Variants in DKC1 observed in about 807,000 individuals in gnomAD.
DKC1 encodes the protein H/ACA ribonucleoprotein complex subunit DKC1.
Under a neutral mutation model 46.7 loss-of-function variants are expected in DKC1, and 4 were observed. That is an observed-to-expected ratio of 0.09 (90% CI 0.04 to 0.20). The LOEUF (loss-of-function observed/expected upper bound fraction) is 0.20. DKC1 is among the 10% of genes least tolerant of loss of function. The probability of loss-of-function intolerance (pLI) is 1.00; values close to 1 mark genes in which losing one functional copy is unlikely to be tolerated. For missense variants in DKC1, 171 were observed against 404.2 expected (o/e 0.42, Z 4.95); for synonymous variants, 141 against 142.4 (o/e 0.99, Z 0.07).
chrX:154,767,343 G>A lies in DKC1; in HGVS notation c.601G>A (p.Glu201Lys). 3 of 1,211,631 alleles carry A rather than the reference G, an allele frequency of 2.5e-6. No homozygotes were observed. Among genetic ancestry groups the A allele is most frequent in the Non-Finnish European group, 2.2e-6 (2 of 895,389 alleles). The change falls in exon 7 of 15, where the codon GAG (glutamate) becomes AAG (lysine). Residue 201 changes from glutamate to lysine, a missense_variant. Glu to Lys is a moderately conservative substitution (Grantham distance 56, BLOSUM62 1). Transcript: ENST00000369550. ...GCAGCTCCGAGTGAGGACCATCTAC[G>A]AGAGCAAAATGATTGAATACGATCC... ...KRQLRVRTIY[E>K]SKMIEYDPER... is the part of the protein sequence containing the mutation.
At chrX:154,765,421 G>C in intron 2 of DKC1, 23 bp from the exon 3 acceptor site, 10 of 1,154,635 alleles carry the variant, frequency 8.7e-6, no homozygotes, top group Non-Finnish European at 1.2e-5. Context: ...AGTTTAATAG[G>C]TTATATTTCT....
At chrX:154,772,014 A>G (rs149377061) in intron 10 of DKC1, among the ~76,000 whole-genome samples, 2 of 112,434 alleles carry the variant, frequency 1.8e-5, no homozygotes, top group East Asian at 5.6e-4. Context: ...CCTTGCCAGC[A>G]CTTGTCATTG....
intron 4 of DKC1, 104 bp from the exon 5 acceptor site, chrX:154,766,112 C>T: frequency 3.0e-6 from 3 of 1,007,945 alleles, no homozygotes; most frequent in Non-Finnish European, 4.2e-6. Context: ...AATATATAAC[C>T]TGTACCCGCA....
chrX:154,776,896 C>CT lies in DKC1; in HGVS notation c.*30dup. The CT allele has an allele frequency of 8.9e-7, 1 of 1,119,915 alleles. No individual in the cohort carries two copies. Among genetic ancestry groups the CT allele is most frequent in the Non-Finnish European group, 1.2e-6 (1 of 821,859 alleles). The allele number at this position is 1,119,915 out of a possible 1,213,427, so 92.3% of individuals were successfully genotyped here. A position where few individuals can be genotyped will look rare whatever the true frequency, so the allele number is the denominator to read the frequency against. Reference sequence around the variant, plus strand: ...AGGCCACTTGAAGCTGGAGGAGAAACTAAAGCCTTATTGAGAAAACATGTT... The same window carrying CT: ...AGGCCACTTGAAGCTGGAGGAGAAACTTAAAGCCTTATTGAGAAAACATGTT... On this transcript the variant is annotated 3_prime_UTR_variant, in exon 15 of 15. Coordinates refer to ENST00000369550, the MANE Select transcript of DKC1 (RefSeq NM_001363.5).
chrX:154,763,310 C>T (rs1322729041), intron 1 of DKC1, among the ~76,000 whole-genome samples: 2 of 112,396 alleles, frequency 1.8e-5, no homozygotes, highest in Non-Finnish European at 3.8e-5. Flanking sequence ...CCAGCCCGGA[C>T]GCCGCCGTTA....
Position 154,764,367 on chromosome X carries a change from T to G in DKC1, c.17-532T>G, listed in dbSNP as rs782785745. 3.7e-5 allele frequency among the ~76,000 whole-genome samples: 4 copies of G among 109,037 alleles called. No individual in the cohort carries two copies. The East Asian group carries it at 8.5e-4, about 23-fold the overall frequency. 94.7% of individuals were successfully genotyped at this position (109,037 alleles called of 115,157 possible). A position where few individuals can be genotyped will look rare whatever the true frequency, so the allele number is the denominator to read the frequency against. The stretch of plus-strand genomic sequence containing the variant: ...GACTGAATGTGAAGGCCTCAGACAT[T>G]ACACTACTGGAGACTTTATAATCTG... On this transcript the variant is annotated intron_variant, in intron 1 of 14. Coordinates refer to ENST00000369550, the MANE Select transcript of DKC1 (RefSeq NM_001363.5).
chrX:154,770,729 G>T (rs1313909017), intron 9 of DKC1, 30 bp from the exon 10 acceptor site: 1 of 1,207,648 alleles, frequency 8.3e-7, no homozygotes, highest in Non-Finnish European at 1.1e-6. Flanking sequence ...GCAGCAGCTG[G>T]GCCCCTTACA....
intron 7 of DKC1, chrX:154,768,040 C>T (rs782530258): frequency 1.2e-4 from 39 of 324,831 alleles, no homozygotes; most frequent in Non-Finnish European, 1.8e-4. Context: ...TTAGTAGAGA[C>T]GGGGTTTCAC....
In DKC1 at chrX:154,762,999, C is replaced by G. The variant is rs1487157701; in HGVS notation, c.16+18C>G. 1.7e-6 allele frequency: 2 copies of G among 1,174,595 alleles called. No homozygotes were observed. The highest frequency in any genetic ancestry group is 2.3e-6 in the Non-Finnish European group (2 of 876,565). ...TGCGGAAGGTAAGGGCTGCAGGCTT[C>G]CGGGCCGTGCTAACTCCGGGCGACT... On this transcript the variant is annotated intron_variant, in intron 1 of 14. Coordinates refer to ENST00000369550, the MANE Select transcript of DKC1 (RefSeq NM_001363.5).
rs782546233 is a variant in DKC1, at chrX:154,767,324, C to G, written c.582C>G (p.Leu194=). Residue 194 remains leucine, a synonymous_variant, in exon 7 of 15, where the codon CTC becomes CTG. Transcript: ENST00000369550. ...TTATTGCTGCAGTAAAGAGGCAGCTCCGAGTGAGGACCATCTACGAGAGCA... is the reference window on the plus strand; with the variant it reads ...TTATTGCTGCAGTAAAGAGGCAGCTGCGAGTGAGGACCATCTACGAGAGCA... The part of the protein sequence containing the change: ...PPLIAAVKRQ[L]RVRTIYESKM... 5.2e-5 allele frequency: 63 copies of G among 1,209,499 alleles called. No individual in the cohort carries two copies. Among genetic ancestry groups the G allele is most frequent in the Non-Finnish European group, 6.7e-5 (60 of 894,789 alleles).
intron 9 of DKC1, 100 bp from the exon 10 acceptor site, chrX:154,770,659 G>T: frequency 9.0e-7 from 1 of 1,108,537 alleles, no homozygotes. Context: ...CCTGTTTCCT[G>T]GTGTCAGGCC....
chrX:154,776,680 T>C (rs2071900953), intron 14 of DKC1, 119 bp from the exon 15 acceptor site: 3 of 724,120 alleles, frequency 4.1e-6, no homozygotes, highest in Non-Finnish European at 6.5e-6. Flanking sequence ...ACCCAAAATA[T>C]CCTTACAGGT....
At chrX:154,768,497 TC>T in intron 8 of DKC1, 65 bp downstream of exon 8, 1 of 1,167,057 alleles carries the variant, frequency 8.6e-7, no homozygotes, top group Non-Finnish European at 1.2e-6. Flanking sequence ...TTGATGGCAC[TC>T]CACTTGCTTC....
chrX:154,768,879 C>T lies in DKC1; in HGVS notation c.772-288C>T, dbSNP rs991527717. 2.1e-3 allele frequency: 591 copies of T among 286,205 alleles called. 3 individuals carry two copies. The highest frequency in any genetic ancestry group is 3.2e-3 in the Non-Finnish European group (525 of 165,411). The allele number at this position is 286,205 out of a possible 1,213,427, so 23.6% of individuals were successfully genotyped here. A position where few individuals can be genotyped will look rare whatever the true frequency, so the allele number is the denominator to read the frequency against. ...GCGGGCGCCTGTAGTCCCAGCTACTCGGGAGGCTGAGGCAGGAGAATGGCG... is the reference window on the plus strand; with the variant it reads ...GCGGGCGCCTGTAGTCCCAGCTACTTGGGAGGCTGAGGCAGGAGAATGGCG... On this transcript the variant is annotated intron_variant, in intron 8 of 14. Transcript: ENST00000369550.
intron 12 of DKC1, 70 bp downstream of exon 12, chrX:154,774,775 G>A: frequency 1.1e-6 from 1 of 927,020 alleles, no homozygotes; most frequent in Non-Finnish European, 1.6e-6. Context: ...GCAGGAGTAT[G>A]TCAACAACAG....
chrX:154,774,899 G>A (rs367975493), intron 12 of DKC1, 194 bp downstream of exon 12: 1 of 568,872 alleles, frequency 1.8e-6, no homozygotes, highest in Non-Finnish European at 3.2e-6. Flanking sequence ...GGAGTCACTT[G>A]GTTTGGGGCA....
At chrX:154,768,912 G>A (rs1401220992) in intron 8 of DKC1, 9 of 316,346 alleles carry the variant, frequency 2.8e-5, no homozygotes, top group African/African-American at 1.7e-4. Flanking sequence ...GCGTGAACCC[G>A]GGAAGCGGAG....
chrX:154,768,137 A>C, intron 7 of DKC1, 165 bp from the exon 8 acceptor site: 1 of 652,693 alleles, frequency 1.5e-6, no homozygotes, highest in South Asian at 2.4e-5. Context: ...GGCGTGAGCC[A>C]CCGTGCCTGG....
intron 13 of DKC1, among the ~76,000 whole-genome samples, chrX:154,775,540 A>G (rs1603429696): frequency 8.9e-6 from 1 of 112,216 alleles, no homozygotes; most frequent in East Asian, 2.8e-4. Flanking sequence ...TACCTCAGCT[A>G]TGGCAGCAAC....
Sources: allele counts gnomAD v4.1 joint callset (sites outside exome capture counted in the v4.1 genomes callset), GRCh38; gene constraint gnomAD v4.1.1; transcripts MANE v1.5; gene names NCBI Gene and HGNC (gene_info 2026-07-23, HGNC 2026-07-21).